Variants in ANO3 observed in about 807,000 individuals in gnomAD.
ANO3 encodes the protein anoctamin 3, also known as anoctamin-3.
A neutral mutation model predicts 144.8 loss-of-function variants in ANO3; 99 were observed. The observed-to-expected ratio is 0.68, with a 90% CI of 0.58 to 0.81. The LOEUF is 0.81. Among genes scored for constraint, ANO3 ranks in the 30% least tolerant of loss-of-function variants. The pLI is 0.00. For missense variants in ANO3, 905 were observed against 1,202.2 expected (o/e 0.75, Z 3.66); for synonymous variants, 414 against 392.6 (o/e 1.05, Z -0.64).
intron 4 of ANO3, among the ~76,000 whole-genome samples, chr11:26,467,600 A>G (rs1042302756): frequency 6.6e-6 from 1 of 151,740 alleles, no homozygotes; most frequent in Non-Finnish European, 1.5e-5. Context: ...TAGTGTTGCA[A>G]ATGACAGGGT....
upstream of ANO3, among the ~76,000 whole-genome samples, chr11:26,307,786 T>G (rs1854418363): frequency 6.6e-6 from 1 of 150,756 alleles, no homozygotes; most frequent in East Asian, 1.9e-4. Context: ...ACAAAATTAT[T>G]TAGTTTTGTT....
intron 26 of ANO3, among the ~76,000 whole-genome samples, chr11:26,658,333 G>A (rs979370276): frequency 3.3e-5 from 5 of 152,028 alleles, no homozygotes; most frequent in Non-Finnish European, 7.4e-5. Context: ...TACTAACTTG[G>A]CCAGGTGTGG....
In ANO3 at chr11:26,459,646, A is replaced by G. The variant is rs185260732; in HGVS notation, c.314-3384A>G. ...TATAGGCCAGGCCAGGCTCACAAAA[A>G]ATACCTTAGTGAGGGGAACAAATAA... On this transcript the variant is annotated intron_variant, in intron 3 of 26. Coordinates refer to ENST00000256737, the MANE Select transcript of ANO3 (RefSeq NM_031418.4). 3.4e-3 allele frequency among the ~76,000 whole-genome samples: 514 copies of G among 152,158 alleles called. 6 individuals are homozygous for G. Among genetic ancestry groups the G allele is most frequent in the Admixed American group, 0.031 (473 of 15,264 alleles).
rs146105060 is a variant in ANO3 at position 26,656,152 on chromosome 11, C to T, written c.2604C>T (p.Ser868=). The T allele has an allele frequency of 1.2e-4, 192 of 1,613,566 alleles. 1 individual carries two copies. In the African/African-American group the frequency reaches 2.2e-3, roughly 18 times the overall value. The change falls in exon 25 of 27, where the codon AGC becomes AGT. Residue 868 remains serine, a synonymous_variant. Transcript: ENST00000256737. ...ENCLKGYVNN[S]LSFFDLSELG... ...GCTTGAAGGGATATGTCAACAATAG[C>T]CTATCCTTCTTTGACCTGAGTGAGC...
chr11:26,442,660 C>CATTT (rs1258787367), intron 2 of ANO3, among the ~76,000 whole-genome samples: 2 of 152,268 alleles, frequency 1.3e-5, no homozygotes, highest in African/African-American at 4.8e-5. Flanking sequence ...CTTCTACACA[C>CATTT]ATTTGCCCAC....
chr11:26,534,737 A>AG (rs1401142209), intron 9 of ANO3, among the ~76,000 whole-genome samples, 175 bp downstream of exon 9: 1 of 152,182 alleles, frequency 6.6e-6, no homozygotes, highest in Non-Finnish European at 1.5e-5. Flanking sequence ...AACAAAAAAA[A>AG]CTTTTTTGAG....
chr11:26,615,101 C>G (rs909980614), intron 17 of ANO3, among the ~76,000 whole-genome samples: 5 of 150,508 alleles, frequency 3.3e-5, no homozygotes, highest in Non-Finnish European at 5.9e-5. Context: ...CAGAAAAAAA[C>G]TCTTAGCTTT....
chr11:26,260,244 T>C (rs1261772387), intron 1 of ANO3, among the ~76,000 whole-genome samples: 1 of 152,106 alleles, frequency 6.6e-6, no homozygotes, highest in East Asian at 1.9e-4. Flanking sequence ...AGACTGGGCA[T>C]ATAAGACTTC....
chr11:26,611,282 T>C (rs1043749442), intron 17 of ANO3, among the ~76,000 whole-genome samples: 7 of 152,156 alleles, frequency 4.6e-5, no homozygotes, highest in African/African-American at 1.7e-4. Flanking sequence ...CTGCTTTTGC[T>C]GTGTCTCATA....
chr11:26,331,355 TAATAA>T (rs1217588174), upstream of ANO3: 1 of 152,186 alleles, frequency 6.6e-6, no homozygotes, highest in Non-Finnish European at 1.5e-5. Flanking sequence ...TATAAATAAA[TAATAA>T]AATAAAACTT....
intron 1 of ANO3, among the ~76,000 whole-genome samples, chr11:26,424,602 G>C (rs1445553822): frequency 6.6e-6 from 1 of 151,844 alleles, no homozygotes; most frequent in African/African-American, 2.4e-5. Context: ...ATTTTTACTT[G>C]TCTGTTCTGC....
intron 1 of ANO3, among the ~76,000 whole-genome samples, chr11:26,343,160 C>T (rs574223424): frequency 2.3e-4 from 35 of 152,282 alleles, no homozygotes; most frequent in Admixed American, 7.8e-4. Flanking sequence ...TTGATAACTT[C>T]CATTGTACTC....
chr11:26,420,399 C>G (rs576595912), intron 1 of ANO3, among the ~76,000 whole-genome samples: 1 of 152,128 alleles, frequency 6.6e-6, no homozygotes, highest in East Asian at 1.9e-4. Context: ...CAGATTCATC[C>G]TGCCCCTCTT....
At chr11:26,475,465 A>G (rs1182860790) in intron 4 of ANO3, among the ~76,000 whole-genome samples, 4 of 152,026 alleles carry the variant, frequency 2.6e-5, no homozygotes, top group Non-Finnish European at 5.9e-5. Context: ...TAATAACACA[A>G]AATCAATATG....
intron 3 of ANO3, among the ~76,000 whole-genome samples, chr11:26,445,058 A>AT (rs559424331): frequency 5.4e-4 from 82 of 152,190 alleles, no homozygotes; most frequent in African/African-American, 1.6e-3. Flanking sequence ...TCAGATTTCA[A>AT]TTTTTTTGAT....
intron 1 of ANO3, among the ~76,000 whole-genome samples, chr11:26,210,160 G>C (rs758105647): frequency 1.3e-5 from 2 of 152,076 alleles, no homozygotes; most frequent in Non-Finnish European, 2.9e-5. Flanking sequence ...GTTAATTTTT[G>C]TATAAGGTGT....
intron 18 of ANO3, among the ~76,000 whole-genome samples, chr11:26,625,773 G>A (rs898014994): frequency 6.6e-6 from 1 of 152,074 alleles, no homozygotes; most frequent in Non-Finnish European, 1.5e-5. Context: ...TTCTAGGCCT[G>A]TAGCCAACTG....
intron 21 of ANO3, among the ~76,000 whole-genome samples, chr11:26,640,060 A>G (rs898956307): frequency 6.6e-6 from 1 of 152,140 alleles, no homozygotes; most frequent in Non-Finnish European, 1.5e-5. Flanking sequence ...ACATTCTTGA[A>G]CAAAGATCTG....
chr11:26,412,064 C>T (rs1034090214), intron 1 of ANO3, among the ~76,000 whole-genome samples: 5 of 151,942 alleles, frequency 3.3e-5, no homozygotes, highest in Admixed American at 2.6e-4. Context: ...AAGTTATATA[C>T]TGATCATTTC....
Sources: gnomAD v4.1 joint callset for allele counts (sites outside exome capture counted in the v4.1 genomes callset) on GRCh38, gnomAD v4.1.1 for gene constraint, MANE v1.5 for transcripts, NCBI Gene and HGNC (gene_info 2026-07-23, HGNC 2026-07-21) for gene names.